The following SLC10A7 variants were observed in gnomAD, a reference collection of about 807,000 sequenced individuals.
SLC10A7 encodes sodium/bile acid cotransporter 7.
Under a neutral mutation model 43.2 loss-of-function variants are expected in SLC10A7, and 29 were observed. That is an observed-to-expected ratio of 0.67 (90% CI 0.50 to 0.92). The LOEUF (loss-of-function observed/expected upper bound fraction) is 0.92, where lower values mean the gene tolerates loss of function less well. SLC10A7 is among the 40% of genes least tolerant of loss of function. The pLI is 0.00. For synonymous variants in SLC10A7, 152 were observed against 144.8 expected, an observed-to-expected ratio of 1.05 and a Z score of -0.35; for missense variants, 295 against 403.2, an observed-to-expected ratio of 0.73 and a Z score of 2.30.
intron 6 of SLC10A7, among the ~76,000 whole-genome samples, chr4:146,318,291 C>T (rs1308031828): frequency 6.6e-6 from 1 of 152,036 alleles, no homozygotes. Context: ...CTTTGAACTA[C>T]AAAACTTTGA....
chr4:146,507,631 A>C (rs761319208), intron 3 of SLC10A7, among the ~76,000 whole-genome samples: 13 of 152,172 alleles, frequency 8.5e-5, no homozygotes, highest in Non-Finnish European at 1.2e-4. Flanking sequence ...CTCCATGACT[A>C]CTGCCACCAT....
At chr4:146,368,676 T>A (rs985083341) in intron 5 of SLC10A7, among the ~76,000 whole-genome samples, 1 of 152,200 alleles carries the variant, frequency 6.6e-6, no homozygotes, top group Non-Finnish European at 1.5e-5. Flanking sequence ...AGCTATTAAA[T>A]TGGCTTTGAG....
intron 5 of SLC10A7, among the ~76,000 whole-genome samples, chr4:146,398,453 G>C (rs543310850): frequency 6.6e-6 from 1 of 152,190 alleles, no homozygotes; most frequent in South Asian, 2.1e-4. Context: ...TTAAGATCAA[G>C]AAAAGCAGAA....
At chr4:146,430,380 T>C (rs953579983) in intron 5 of SLC10A7, among the ~76,000 whole-genome samples, 2 of 152,212 alleles carry the variant, frequency 1.3e-5, no homozygotes, top group African/African-American at 4.8e-5. Flanking sequence ...ATGAAGAAGA[T>C]AGGATTCATT....
chr4:146,261,878 C>T (rs902374409), intron 10 of SLC10A7, among the ~76,000 whole-genome samples: 19 of 152,208 alleles, frequency 1.2e-4, no homozygotes, highest in Non-Finnish European at 2.2e-4. Flanking sequence ...AAGTCAATCA[C>T]TCGCCAGGGG....
intron 5 of SLC10A7, among the ~76,000 whole-genome samples, chr4:146,414,367 A>T (rs754035686): frequency 6.6e-6 from 1 of 152,188 alleles, no homozygotes; most frequent in Non-Finnish European, 1.5e-5. Context: ...AGGCTTTTCC[A>T]CAACCCTTCT....
chr4:146,519,149 CAT>C (rs1163015709), intron 1 of SLC10A7, among the ~76,000 whole-genome samples: 7 of 111,488 alleles, frequency 6.3e-5, no homozygotes, highest in Admixed American at 1.1e-4. Flanking sequence ...ATGTATATAA[CAT>C]AATATATAAT....
At chr4:146,296,437 G>T (rs1197064283) in intron 7 of SLC10A7, among the ~76,000 whole-genome samples, 1 of 152,104 alleles carries the variant, frequency 6.6e-6, no homozygotes, top group Non-Finnish European at 1.5e-5. Context: ...GAGTCTCATA[G>T]TAGAATAGGA....
intron 4 of SLC10A7, among the ~76,000 whole-genome samples, chr4:146,444,531 T>G (rs563438543): frequency 6.6e-6 from 1 of 152,316 alleles, no homozygotes; most frequent in East Asian, 1.9e-4. Context: ...TATATGAGTA[T>G]ATAACAACTA....
intron 9 of SLC10A7, among the ~76,000 whole-genome samples, chr4:146,288,085 T>C (rs777960432): frequency 3.3e-5 from 5 of 152,208 alleles, no homozygotes; most frequent in African/African-American, 1.2e-4. Context: ...TTCTGGCTCA[T>C]TGCTCTCAGT....
intron 4 of SLC10A7, among the ~76,000 whole-genome samples, chr4:146,469,511 G>T (rs1560939191): frequency 6.6e-6 from 1 of 152,128 alleles, no homozygotes; most frequent in African/African-American, 2.4e-5. Flanking sequence ...AAACAGACAT[G>T]TGATGAATTC....
At chr4:146,406,553 A>G (rs922068935) in intron 5 of SLC10A7, among the ~76,000 whole-genome samples, 2 of 152,190 alleles carry the variant, frequency 1.3e-5, no homozygotes, top group African/African-American at 4.8e-5. Context: ...TGCTATGAAC[A>G]ACTCAAATGG....
At chr4:146,316,822 T>C (rs1732356465) in intron 6 of SLC10A7, among the ~76,000 whole-genome samples, 1 of 152,146 alleles carries the variant, frequency 6.6e-6, no homozygotes, top group South Asian at 2.1e-4. Context: ...GTTGGCCAGC[T>C]GCTGCATTTC....
intron 5 of SLC10A7, among the ~76,000 whole-genome samples, chr4:146,359,431 G>C (rs1735889385): frequency 6.6e-6 from 1 of 151,926 alleles, no homozygotes; most frequent in African/African-American, 2.4e-5. Flanking sequence ...TTACGTTTTT[G>C]TGACTTAAGA....
At chr4:146,323,727 G>T (rs1416915729) in intron 6 of SLC10A7, among the ~76,000 whole-genome samples, 2 of 151,944 alleles carry the variant, frequency 1.3e-5, no homozygotes, top group Non-Finnish European at 2.9e-5. Context: ...GTTCCATATG[G>T]CAAAAACTGG....
chr4:146,388,619 C>T (rs1486879576), intron 5 of SLC10A7, among the ~76,000 whole-genome samples: 1 of 151,748 alleles, frequency 6.6e-6, no homozygotes, highest in Admixed American at 6.6e-5. Context: ...ATTAGCTGGG[C>T]GTGGTGGTGC....
intron 4 of SLC10A7, among the ~76,000 whole-genome samples, chr4:146,456,600 A>G (rs934934846): frequency 6.6e-6 from 1 of 152,000 alleles, no homozygotes; most frequent in Non-Finnish European, 1.5e-5. Flanking sequence ...CAGTTTAATT[A>G]TAAGGGATAC....
At chr4:146,307,796 C>A (rs1283257521) in intron 6 of SLC10A7, among the ~76,000 whole-genome samples, 1 of 152,090 alleles carries the variant, frequency 6.6e-6, no homozygotes, top group Admixed American at 6.6e-5. Flanking sequence ...ATATCCCTGG[C>A]TCCTCTTTCT....
At chr4:146,497,410 T>C (rs1735994666) in intron 4 of SLC10A7, among the ~76,000 whole-genome samples, 1 of 152,212 alleles carries the variant, frequency 6.6e-6, no homozygotes. Flanking sequence ...ATTACAACTC[T>C]TAATGCTTTT....
Sources: allele counts gnomAD v4.1 joint callset (sites outside exome capture counted in the v4.1 genomes callset), GRCh38; gene constraint gnomAD v4.1.1; transcripts MANE v1.5; gene names NCBI Gene and HGNC (gene_info 2026-07-23, HGNC 2026-07-21).